CRELD1: variants seen among roughly 807,000 people sequenced by gnomAD.
CRELD1 encodes CRELD disulfide isomerase 1, also known as protein disulfide isomerase CRELD1.
CRELD1 carries 42 observed loss-of-function variants against 58.2 expected under a neutral mutation model. The ratio of observed to expected loss-of-function variants is 0.72; its 90% CI spans 0.56 to 0.93. The LOEUF (loss-of-function observed/expected upper bound fraction) is 0.93. Ranked by LOEUF, CRELD1 falls within the 40% of genes least tolerant of loss-of-function variation. The probability of loss-of-function intolerance (pLI) is 0.00; values close to 1 mark genes in which losing one functional copy is unlikely to be tolerated. For missense variants in CRELD1, 500 were observed against 540.6 expected, an observed-to-expected ratio of 0.92 and a Z score of 0.74; for synonymous variants, 222 against 202.0, an observed-to-expected ratio of 1.10 and a Z score of -0.84.
intron 3 of CRELD1, 142 bp downstream of exon 3, chr3:9,935,059 G>A (rs2085136965): frequency 1.4e-6 from 1 of 700,110 alleles, no homozygotes; most frequent in Non-Finnish European, 2.4e-6. Flanking sequence ...AGTAAACAAG[G>A]CAAGCAAAAT....
intron 5 of CRELD1, chr3:9,938,630 T>C: frequency 6.4e-6 from 1 of 155,606 alleles, no homozygotes; most frequent in South Asian, 1.9e-4. Context: ...GAGGCTGCGG[T>C]GGGTGGATCA....
At chr3:9,937,926 C>A in intron 4 of CRELD1, 89 bp from the exon 5 acceptor site, 1 of 972,372 alleles carries the variant, frequency 1.0e-6, no homozygotes, top group Non-Finnish European at 1.6e-6. Context: ...GGTTGAATCA[C>A]AGATTCAGGC....
chr3:9,934,307 T>G, intron 1 of CRELD1, 113 bp from the exon 2 acceptor site: 2 of 849,404 alleles, frequency 2.4e-6, no homozygotes, highest in Non-Finnish European at 4.0e-6. Flanking sequence ...TTTGGCCTCT[T>G]TTGCTTGTAA....
intron 5 of CRELD1, among the ~76,000 whole-genome samples, chr3:9,940,637 T>C (rs1347035771): frequency 3.0e-5 from 4 of 132,952 alleles, no homozygotes; most frequent in South Asian, 2.6e-4. Flanking sequence ...AGCTTCAGCT[T>C]GGCATCAGAG....
At chr3:9,943,244 A>G in intron 9 of CRELD1, 72 bp downstream of exon 9, 1 of 1,587,400 alleles carries the variant, frequency 6.3e-7, no homozygotes, top group Non-Finnish European at 8.6e-7. Flanking sequence ...AGAGGCTGGA[A>G]TATGGGCAGG....
In CRELD1 at chr3:9,945,008, A is replaced by G. The variant is rs1365537793; in HGVS notation, c.*429A>G. Reference sequence around the variant, plus strand: ...CACTTATTTATTCATCTCAGGAAATAAAGAAAGGTCTTGGAAAGTTAAAAG... The same window carrying G: ...CACTTATTTATTCATCTCAGGAAATGAAGAAAGGTCTTGGAAAGTTAAAAG... On this transcript the variant is annotated 3_prime_UTR_variant, in exon 11 of 11. Transcript: ENST00000452070. 4.0e-6 allele frequency: 1 copy of G among 252,500 alleles called. No individual in the cohort carries two copies. Among genetic ancestry groups the G allele is most frequent in the Non-Finnish European group, 7.9e-6 (1 of 126,810 alleles). 15.6% of individuals were successfully genotyped at this position (252,500 alleles called of 1,614,324 possible).
rs1244820075 is a variant in CRELD1 at position 9,943,469 on chromosome 3, G to A, written c.1002G>A (p.Glu334=). 1 of 1,614,074 alleles carries A rather than the reference G, an allele frequency of 6.2e-7. No individual in the cohort carries two copies. The highest frequency in any genetic ancestry group is 8.5e-7 in the Non-Finnish European group (1 of 1,180,002). ...TEGGYRCICA[E]GYKQMEGICV... Reference sequence around the variant, plus strand: ...GCGGTTATCGCTGCATCTGTGCCGAGGGCTACAAGCAGATGGAAGGCATCT... The same window carrying A: ...GCGGTTATCGCTGCATCTGTGCCGAAGGCTACAAGCAGATGGAAGGCATCT... Residue 334 remains glutamate (E), a synonymous_variant, in exon 10 of 11, where the codon GAG becomes GAA. Coordinates refer to ENST00000452070, the MANE Select transcript of CRELD1 (RefSeq NM_001077415.3).
intron 5 of CRELD1, among the ~76,000 whole-genome samples, 173 bp from the exon 6 acceptor site, chr3:9,940,677 A>ACCATGGGGAGAGGGAGAGGGAGG (rs1211812420): frequency 7.6e-6 from 1 of 130,820 alleles, no homozygotes; most frequent in Admixed American, 8.0e-5. Flanking sequence ...GGAGAGGGAG[A>ACCATGGGGAGAGGGAGAGGGAGG]CCATGGGGAG....
chr3:9,935,609 G>A (rs1213405193), intron 3 of CRELD1: 1 of 152,530 alleles, frequency 6.6e-6, no homozygotes, highest in East Asian at 1.9e-4. Context: ...ACATGATGAA[G>A]AGGTCACAGT....
intron 7 of CRELD1, among the ~76,000 whole-genome samples, chr3:9,942,309 T>A (rs2085392172): frequency 6.6e-6 from 1 of 151,794 alleles, no homozygotes; most frequent in Non-Finnish European, 1.5e-5. Context: ...AGAGGTTTAT[T>A]TTTTTTTATC....
intron 1 of CRELD1, 43 bp downstream of exon 1, chr3:9,933,963 C>T (rs2085077968): frequency 2.9e-6 from 1 of 341,644 alleles, no homozygotes; most frequent in Non-Finnish European, 5.4e-6. Flanking sequence ...TGCCTTTGCC[C>T]TTCTGCGAGG....
rs745725769 is a variant in CRELD1 at position 9,943,109 on chromosome 3, G to A, written c.850G>A (p.Ala284Thr). The stretch of plus-strand genomic sequence containing the variant: ...CAAGGCCTGCCTAGGCTGCATGGGG[G>A]CAGGGCCAGGTCGCTGTAAGAAGTG... ...CAKACLGCMGAGPGRCKKCSP... is the reference protein window; with the variant it reads ...CAKACLGCMGTGPGRCKKCSP... The change falls in exon 9 of 11, where the codon GCA becomes ACA. Residue 284 changes from alanine (A) to threonine (T), a missense_variant. Physicochemically the swap from Ala to Thr is moderately conservative, Grantham distance 58 (BLOSUM62 0). Coordinates refer to ENST00000452070, the MANE Select transcript of CRELD1 (RefSeq NM_001077415.3). 1.9e-6 allele frequency: 3 copies of A among 1,613,640 alleles called. No individual in the cohort carries two copies. The highest frequency in any genetic ancestry group is 1.7e-6 in the Non-Finnish European group (2 of 1,180,012).
At chr3:9,941,884 G>C (rs1417508622) in intron 7 of CRELD1, among the ~76,000 whole-genome samples, 1 of 151,706 alleles carries the variant, frequency 6.6e-6, no homozygotes, top group Non-Finnish European at 1.5e-5. Flanking sequence ...TTCAAGACTT[G>C]GTTTGGTCCC....
At chr3:9,941,731 A>G (rs1374999648) in intron 7 of CRELD1, among the ~76,000 whole-genome samples, 3 of 139,510 alleles carry the variant, frequency 2.2e-5, no homozygotes, top group African/African-American at 8.1e-5. Context: ...CGGAGCTTGC[A>G]GTGAGCCGAG....
Position 9,944,745 on chromosome 3 carries a change from C to A in CRELD1, c.*166C>A. On this transcript the variant is annotated 3_prime_UTR_variant, in exon 11 of 11. Coordinates refer to ENST00000452070, the MANE Select transcript of CRELD1 (RefSeq NM_001077415.3). Reference sequence around the variant, plus strand: ...GGTACCCAGGCCCGGGCAGACAAGGCCCCTGGGGTAAAAAGTAGCCCTGAA... The same window carrying A: ...GGTACCCAGGCCCGGGCAGACAAGGACCCTGGGGTAAAAAGTAGCCCTGAA... 3.0e-6 allele frequency: 2 copies of A among 677,012 alleles called. No homozygotes were observed. The highest frequency in any genetic ancestry group is 1.7e-5 in the South Asian group (1 of 59,468). The allele number at this position is 677,012 out of a possible 1,614,324, so 41.9% of individuals were successfully genotyped here.
In CRELD1 at chr3:9,942,877, G is replaced by A. The variant is rs1371222542; in HGVS notation, c.798G>A (p.Glu266=). The A allele has an allele frequency of 1.2e-6, 2 of 1,614,128 alleles. No individual in the cohort carries two copies. Among genetic ancestry groups the A allele is most frequent in the Non-Finnish European group, 1.7e-6 (2 of 1,179,956 alleles). ...CTGACCAATTCTGCGTGAACACTGA[G>A]GGCTCCTATGAGTGCCGAGGTCAGT... The part of the protein sequence containing the change: ...CGADQFCVNT[E]GSYECRDCAK... Residue 266 remains glutamate, a synonymous_variant, in exon 8 of 11, where the codon GAG becomes GAA. Transcript: ENST00000452070.
intron 4 of CRELD1, 77 bp downstream of exon 4, chr3:9,937,749 A>AG: frequency 1.9e-6 from 2 of 1,048,538 alleles, no homozygotes; most frequent in East Asian, 2.5e-5. Context: ...GCCGAGAAGC[A>AG]GGGGGGTGCA....
chr3:9,937,977 C>A, intron 4 of CRELD1, 38 bp from the exon 5 acceptor site: 1 of 1,442,138 alleles, frequency 6.9e-7, no homozygotes, highest in Non-Finnish European at 9.7e-7. Flanking sequence ...TATCTCAGCA[C>A]CTCCTCCCCA....
Position 9,944,441 on chromosome 3 carries a change from C to G in CRELD1, c.1125C>G (p.Ile375Met). The G allele has an allele frequency of 6.2e-7, 1 of 1,614,040 alleles. No homozygotes were observed. Among genetic ancestry groups the G allele is most frequent in the East Asian group, 2.2e-5 (1 of 44,894 alleles). Residue 375 changes from isoleucine to methionine, a missense_variant, in exon 11 of 11, where the codon ATC becomes ATG. Ile to Met is a conservative substitution (Grantham distance 10). Coordinates refer to ENST00000452070, the MANE Select transcript of CRELD1 (RefSeq NM_001077415.3). ...AGCAGATGTTCTTTGGCATCATCAT[C>G]TGTGCACTGGCCACGCTGGCTGCTA... ...VLQQMFFGII[I>M]CALATLAAKG...
Sources: allele counts gnomAD v4.1 joint callset (sites outside exome capture counted in the v4.1 genomes callset), GRCh38; gene constraint gnomAD v4.1.1; transcripts MANE v1.5; gene names NCBI Gene and HGNC (gene_info 2026-07-23, HGNC 2026-07-21).